The following NLRC5 variants were observed in gnomAD, a reference collection of about 807,000 sequenced individuals.
The protein encoded by NLRC5 is protein NLRC5.
NLRC5 carries 114 observed loss-of-function variants against 206.9 expected under a neutral mutation model. That is an observed-to-expected ratio of 0.55 (90% confidence interval 0.47 to 0.64). The LOEUF (loss-of-function observed/expected upper bound fraction) is 0.64. NLRC5 is among the 30% of genes least tolerant of loss of function. NLRC5 has a pLI of 0.00. For missense variants in NLRC5, 2,008 were observed against 2,305.5 expected (o/e 0.87, Z 2.64); for synonymous variants, 952 against 962.8 (o/e 0.99, Z 0.21).
intron 20 of NLRC5, among the ~76,000 whole-genome samples, chr16:57,044,312 A>AG (rs2063670636): frequency 6.8e-6 from 1 of 148,070 alleles, no homozygotes. Context: ...CTCAAAAAAA[A>AG]AAAGAAAAGA....
At chr16:57,049,763 A>T in intron 23 of NLRC5, among the ~76,000 whole-genome samples, 1 of 151,218 alleles carries the variant, frequency 6.6e-6, no homozygotes, top group Non-Finnish European at 1.5e-5. Context: ...TAAATAAATA[A>T]ATAAATAAAG....
chr16:57,055,551 G>A, intron 27 of NLRC5, 32 bp downstream of exon 27: 2 of 1,562,766 alleles, frequency 1.3e-6, no homozygotes, highest in Non-Finnish European at 1.8e-6. Flanking sequence ...AAGGAGAGGA[G>A]CATGGACGCA....
intron 32 of NLRC5, 38 bp downstream of exon 32, chr16:57,061,739 C>A: frequency 6.3e-7 from 1 of 1,584,490 alleles, no homozygotes; most frequent in Admixed American, 1.7e-5. Flanking sequence ...GGGGCCATGG[C>A]ATGAATGGGA....
chr16:57,066,093 A>G (rs558952987), intron 33 of NLRC5, among the ~76,000 whole-genome samples: 1 of 152,216 alleles, frequency 6.6e-6, no homozygotes, highest in South Asian at 2.1e-4. Context: ...GGATCCCTCT[A>G]ATGGCTTTCT....
intron 1 of NLRC5, chr16:57,013,760 A>C: frequency 1.4e-6 from 1 of 715,042 alleles, no homozygotes; most frequent in East Asian, 2.5e-5. Flanking sequence ...TTTTATCCTC[A>C]ATTCAGAACT....
chr16:57,053,771 C>T (rs2065240119), intron 24 of NLRC5, among the ~76,000 whole-genome samples: 1 of 152,082 alleles, frequency 6.6e-6, no homozygotes, highest in South Asian at 2.1e-4. Context: ...TCAAGTGATC[C>T]GCCCGCCTCG....
chr16:57,048,836 G>A (rs1353233122), intron 23 of NLRC5, among the ~76,000 whole-genome samples: 2 of 152,064 alleles, frequency 1.3e-5, no homozygotes, highest in African/African-American at 4.8e-5. Context: ...ACCTGGCCCA[G>A]ACCTACCCTA....
chr16:57,076,786 G>C (rs2068456609), intron 39 of NLRC5, 33 bp from the exon 40 acceptor site: 2 of 1,606,526 alleles, frequency 1.2e-6, no homozygotes, highest in Non-Finnish European at 1.7e-6. Context: ...TTAAGCTCCT[G>C]AAAGCCTCTT....
intron 21 of NLRC5, 36 bp downstream of exon 21, chr16:57,045,528 C>T (rs538794613): frequency 6.2e-7 from 1 of 1,606,322 alleles, no homozygotes; most frequent in South Asian, 1.1e-5. Flanking sequence ...GGAGTCCCCT[C>T]CCGCTCTGGT....
At chr16:57,054,217 TA>T (rs1472367073) in intron 24 of NLRC5, among the ~76,000 whole-genome samples, 6 of 152,028 alleles carry the variant, frequency 3.9e-5, no homozygotes, top group Admixed American at 1.3e-4. Context: ...ATCGAATGAA[TA>T]GAGATCTGGG....
Position 57,079,549 on chromosome 16 carries a change from G to A in NLRC5, c.5241G>A (p.Leu1747=). ...MELPLLRQID[L]VSCKIDNQTA... is the part of the protein sequence containing the mutation. ...CCATGCCCTTCTCCATCCCCAGCCT[G>A]GTTTCCTGTAAGATTGACAACCAGA... The change falls in exon 46 of 49, where the codon CTG becomes CTA. Residue 1747 remains leucine, a synonymous_variant. Transcript: ENST00000688547. 1 of 1,614,016 alleles carries A rather than the reference G, an allele frequency of 6.2e-7. No homozygotes were observed. Among genetic ancestry groups the A allele is most frequent in the African/African-American group, 1.3e-5 (1 of 75,052 alleles).
chr16:57,029,877 C>T (rs1427532146), intron 9 of NLRC5, 21 bp downstream of exon 9: 2 of 1,611,722 alleles, frequency 1.2e-6, no homozygotes, highest in African/African-American at 1.3e-5. Context: ...TTTCCACTGC[C>T]TCTGCAGCCC....
In NLRC5 at chr16:57,059,112, C is replaced by T. The variant is rs562799554; in HGVS notation, c.3920+51C>T. 9 of 1,612,496 alleles carry T rather than the reference C, an allele frequency of 5.6e-6. No homozygotes were observed. The East Asian group carries it at 6.7e-5, about 12-fold the overall frequency. On this transcript the variant is annotated intron_variant, in intron 29 of 48. Transcript: ENST00000688547. ...GCCCCTTTCTGCTGGCCAACAGGTGCCCCTGGCTGATGATGGGAGAAGCAA... is the reference window on the plus strand; with the variant it reads ...GCCCCTTTCTGCTGGCCAACAGGTGTCCCTGGCTGATGATGGGAGAAGCAA...
chr16:57,049,806 G>A (rs2064607389), intron 23 of NLRC5, among the ~76,000 whole-genome samples: 1 of 152,098 alleles, frequency 6.6e-6, no homozygotes, highest in African/African-American at 2.4e-5. Context: ...CTGAGCACAG[G>A]TGGGAGTTTC....
At chr16:57,014,254 A>T (rs1222162188) in intron 1 of NLRC5, among the ~76,000 whole-genome samples, 1 of 152,182 alleles carries the variant, frequency 6.6e-6, no homozygotes, top group African/African-American at 2.4e-5. Context: ...TTTCAATATC[A>T]TGGATTAAAT....
chr16:57,054,364 G>T (rs1195180624), intron 24 of NLRC5, among the ~76,000 whole-genome samples: 2 of 152,126 alleles, frequency 1.3e-5, no homozygotes, highest in African/African-American at 2.4e-5. Context: ...GCAAGGACTC[G>T]CCTGTGAAAT....
intron 39 of NLRC5, among the ~76,000 whole-genome samples, chr16:57,075,084 C>T (rs1394543469): frequency 1.6e-5 from 2 of 126,576 alleles, no homozygotes; most frequent in Admixed American, 2.0e-4. Context: ...GGCTGGAGTG[C>T]AGTGGCAATG....
At chr16:57,075,145 A>ATC (rs2068239298) in intron 39 of NLRC5, among the ~76,000 whole-genome samples, 1 of 147,838 alleles carries the variant, frequency 6.8e-6, no homozygotes, top group Non-Finnish European at 1.5e-5. Flanking sequence ...GGCGAACGTG[A>ATC]TCCTCCTGCC....
intron 8 of NLRC5, 72 bp from the exon 9 acceptor site, chr16:57,029,701 G>T: frequency 7.6e-7 from 1 of 1,315,422 alleles, no homozygotes; most frequent in East Asian, 2.4e-5. Flanking sequence ...TGGCCATCCT[G>T]TCACTTGCTA....
Sources: allele counts gnomAD v4.1 joint callset (sites outside exome capture counted in the v4.1 genomes callset), GRCh38; gene constraint gnomAD v4.1.1; transcripts MANE v1.5; gene names NCBI Gene and HGNC (gene_info 2026-07-23, HGNC 2026-07-21).